The following CADM2 variants were observed in gnomAD, a reference collection of about 807,000 sequenced individuals.
The protein encoded by CADM2 is cell adhesion molecule 2, also known as immunoglobulin superfamily member 4D.
A neutral mutation model predicts 49.8 loss-of-function variants in CADM2; 12 were observed. The observed-to-expected ratio is 0.24, with a 90% CI of 0.15 to 0.39. The LOEUF is 0.39. Among genes scored for constraint, CADM2 ranks in the 10% least tolerant of loss-of-function variants. CADM2 has a pLI of 1.00. For missense variants in CADM2, 378 were observed against 492.3 expected, an observed-to-expected ratio of 0.77 and a Z score of 2.20; for synonymous variants, 214 against 175.4, an observed-to-expected ratio of 1.22 and a Z score of -1.74.
chr3:85,286,145 G>T (rs1034332812), intron 1 of CADM2, among the ~76,000 whole-genome samples: 2 of 152,020 alleles, frequency 1.3e-5, no homozygotes, highest in Non-Finnish European at 2.9e-5. Context: ...GAATCTTCTC[G>T]CCCCTTTCAA....
intron 1 of CADM2, among the ~76,000 whole-genome samples, chr3:85,158,284 A>G (rs184280971): frequency 3.3e-5 from 5 of 152,142 alleles, no homozygotes; most frequent in Non-Finnish European, 7.4e-5. Flanking sequence ...ACAGTGTGGC[A>G]ATTCCTCAGG....
At chr3:85,611,369 T>C (rs773679459) in intron 1 of CADM2, among the ~76,000 whole-genome samples, 10 of 151,848 alleles carry the variant, frequency 6.6e-5, no homozygotes, top group Non-Finnish European at 1.0e-4. Context: ...ACATTGCCAA[T>C]AATTTATTAA....
chr3:85,987,626 ATAT>A (rs1281908466), intron 8 of CADM2, among the ~76,000 whole-genome samples: 4 of 146,920 alleles, frequency 2.7e-5, no homozygotes, highest in South Asian at 4.2e-4. Flanking sequence ...TTATAATTAA[ATAT>A]TATAATAAAA....
At chr3:85,495,212 A>G (rs964002391) in intron 1 of CADM2, among the ~76,000 whole-genome samples, 12 of 152,168 alleles carry the variant, frequency 7.9e-5, no homozygotes, top group African/African-American at 2.2e-4. Flanking sequence ...AGACAATAAC[A>G]AGTTCATCAG....
chr3:85,157,979 C>CA (rs1399666832), intron 1 of CADM2, among the ~76,000 whole-genome samples: 1 of 151,970 alleles, frequency 6.6e-6, no homozygotes, highest in African/African-American at 2.4e-5. Context: ...ACAATGAACT[C>CA]AAACAAATTT....
In CADM2 at chr3:86,038,489, G is replaced by A. The variant is rs1310374148; in HGVS notation, c.971-27116G>A. Among the ~76,000 whole-genome samples, 3 of 152,132 alleles carry A rather than the reference G, an allele frequency of 2.0e-5. No individual in the cohort carries two copies. The East Asian group carries it at 5.8e-4, about 29-fold the overall frequency. Reference sequence around the variant, plus strand: ...CCTCTAAACTCCAATTAATCCTCTTGTTTGCTAACTCCTTCGAAACATGTC... The same window carrying A: ...CCTCTAAACTCCAATTAATCCTCTTATTTGCTAACTCCTTCGAAACATGTC... On this transcript the variant is annotated intron_variant, in intron 8 of 9. Transcript: ENST00000383699.
At chr3:85,654,722 T>A (rs2065146122) in intron 1 of CADM2, among the ~76,000 whole-genome samples, 1 of 152,174 alleles carries the variant, frequency 6.6e-6, no homozygotes. Context: ...CCATGCATAT[T>A]TTTTGTCACT....
At chr3:85,535,905 G>A (rs995350247) in intron 1 of CADM2, among the ~76,000 whole-genome samples, 5 of 152,096 alleles carry the variant, frequency 3.3e-5, no homozygotes, top group African/African-American at 4.8e-5. Flanking sequence ...GTGTGTAGAA[G>A]GAATAGTATT....
chr3:85,577,859 A>G (rs561936923), intron 1 of CADM2, among the ~76,000 whole-genome samples: 2 of 152,234 alleles, frequency 1.3e-5, no homozygotes, highest in Admixed American at 1.3e-4. Flanking sequence ...GAACAAGTAT[A>G]AGAAAACAAT....
At chr3:86,050,788 G>A (rs368444420) in intron 8 of CADM2, among the ~76,000 whole-genome samples, 20 of 152,076 alleles carry the variant, frequency 1.3e-4, no homozygotes, top group African/African-American at 4.3e-4. Flanking sequence ...GAGATGCAAG[G>A]AGAAGTGTCC....
intron 2 of CADM2, among the ~76,000 whole-genome samples, chr3:85,737,184 G>A (rs2068173921): frequency 6.6e-6 from 1 of 152,154 alleles, no homozygotes; most frequent in African/African-American, 2.4e-5. Flanking sequence ...AAGTGAAAGT[G>A]AAGGGAAAAC....
intron 8 of CADM2, among the ~76,000 whole-genome samples, chr3:85,978,630 T>A (rs148411926): frequency 6.6e-6 from 1 of 151,602 alleles, no homozygotes; most frequent in African/African-American, 2.4e-5. Context: ...ATAATAACAA[T>A]TGGCTTCTTT....
At chr3:85,242,757 A>G (rs1156535720) in intron 1 of CADM2, among the ~76,000 whole-genome samples, 1 of 151,680 alleles carries the variant, frequency 6.6e-6, no homozygotes, top group Non-Finnish European at 1.5e-5. Flanking sequence ...TCAAATACAT[A>G]TTTTTCATTT....
chr3:85,879,514 C>T (rs956541941), intron 3 of CADM2, among the ~76,000 whole-genome samples: 2 of 152,006 alleles, frequency 1.3e-5, no homozygotes, highest in South Asian at 2.1e-4. Flanking sequence ...ATTATCTGCT[C>T]CTCTCACAAA....
intron 5 of CADM2, among the ~76,000 whole-genome samples, chr3:85,897,509 T>TCCAC (rs1433732265): frequency 1.3e-5 from 2 of 151,512 alleles, no homozygotes; most frequent in Non-Finnish European, 2.9e-5. Context: ...GACCTCATGA[T>TCCAC]CCACCCGCCT....
At chr3:85,064,238 T>C (rs13087038) in intron 1 of CADM2, among the ~76,000 whole-genome samples, 31 of 152,026 alleles carry the variant, frequency 2.0e-4, no homozygotes, top group Non-Finnish European at 4.3e-4. Flanking sequence ...CTCCAAAGAG[T>C]ACTTTGTTTC....
intron 1 of CADM2, among the ~76,000 whole-genome samples, chr3:85,649,993 C>T (rs998999038): frequency 2.0e-5 from 3 of 152,120 alleles, no homozygotes; most frequent in African/African-American, 7.2e-5. Flanking sequence ...CTCTGTGAAA[C>T]CTCTTCATTT....
intron 1 of CADM2, among the ~76,000 whole-genome samples, chr3:85,196,632 A>G (rs948407118): frequency 3.9e-5 from 6 of 151,996 alleles, no homozygotes; most frequent in Non-Finnish European, 8.8e-5. Context: ...AAGTACATGA[A>G]GGCTTGTTTT....
chr3:85,058,395 T>C (rs2036174331), intron 1 of CADM2, among the ~76,000 whole-genome samples: 1 of 152,168 alleles, frequency 6.6e-6, no homozygotes, highest in Non-Finnish European at 1.5e-5. Flanking sequence ...GAGATCTCTT[T>C]GATATGTGAA....
Sources: allele counts gnomAD v4.1 joint callset (sites outside exome capture counted in the v4.1 genomes callset), GRCh38; gene constraint gnomAD v4.1.1; transcripts MANE v1.5; gene names NCBI Gene and HGNC (gene_info 2026-07-23, HGNC 2026-07-21).